Variants in HERC1 observed in about 807,000 individuals in gnomAD.
HERC1 encodes the protein HECT and RLD domain containing E3 ubiquitin protein ligase family member 1.
Under a neutral mutation model 554.3 loss-of-function variants are expected in HERC1, and 160 were observed. The observed-to-expected ratio is 0.29, with a 90% CI of 0.25 to 0.33. The LOEUF (loss-of-function observed/expected upper bound fraction) is 0.33. Among genes scored for constraint, HERC1 ranks in the 10% least tolerant of loss-of-function variants. The pLI is 1.00. For missense variants in HERC1, 4,919 were observed against 5,918.5 expected (o/e 0.83, Z 5.54); for synonymous variants, 2,175 against 2,131.7 (o/e 1.02, Z -0.56).
chr15:63,670,009 CAAGAT>C (rs1218608420), intron 39 of HERC1, among the ~76,000 whole-genome samples: 2 of 152,002 alleles, frequency 1.3e-5, no homozygotes, highest in African/African-American at 4.8e-5. Flanking sequence ...ACTATAATAC[CAAGAT>C]AAGAGGGGTA....
At chr15:63,664,910 T>C (rs1389733485) in intron 42 of HERC1, among the ~76,000 whole-genome samples, 3 of 152,184 alleles carry the variant, frequency 2.0e-5, no homozygotes, top group South Asian at 4.1e-4. Flanking sequence ...TTTGAAATGA[T>C]TGAGAATTCT....
At chr15:63,789,743 A>G (rs1442933570) in intron 1 of HERC1, among the ~76,000 whole-genome samples, 1 of 151,808 alleles carries the variant, frequency 6.6e-6, no homozygotes, top group African/African-American at 2.4e-5. Context: ...AGTTGCAGTG[A>G]GCCGAGATGA....
At position 63,718,901 on chromosome 15, in the gene HERC1, A is replaced by G; in HGVS notation, c.3743-4T>C. 1.3e-6 allele frequency: 2 copies of G among 1,577,770 alleles called. No homozygotes were observed. The highest frequency in any genetic ancestry group is 1.7e-6 in the Non-Finnish European group (2 of 1,155,446). On this transcript the variant is annotated splice_region_variant and splice_polypyrimidine_tract_variant and intron_variant, in intron 19 of 77. Transcript: ENST00000443617. The surrounding 1 kb of genome is among the most constrained non-coding windows in gnomAD (Gnocchi z 4.2). ...CTTAAAGTTGCACTGTCCCAATCTG[A>G]AAATAAAAATGATGCATTGACATTT... is the stretch of plus-strand genomic sequence containing the variant.
chr15:63,782,893 G>A (rs1318724265), intron 1 of HERC1, among the ~76,000 whole-genome samples: 1 of 152,226 alleles, frequency 6.6e-6, no homozygotes, highest in African/African-American at 2.4e-5. Context: ...AACTGCAGAC[G>A]TGGTGGAAAT....
In HERC1 at chr15:63,672,575, T is replaced by C. The variant is rs761738977; in HGVS notation, c.7966A>G (p.Thr2656Ala). The change falls in exon 39 of 78, where the codon ACT becomes GCT. Residue 2656 changes from threonine to alanine, a missense_variant. By Grantham distance (58) the Thr-to-Ala change is moderately conservative (BLOSUM62 0). Around this residue, in one of 11 missense-constraint regions of HERC1, gnomAD observed 1,963 missense variants for 2,228.6 expected, o/e 0.88. Coordinates refer to ENST00000443617, the MANE Select transcript of HERC1 (RefSeq NM_003922.4). ...FMSSSLEDTT[T>A]ATTPVTDTET... ...GTGTCAGTGACTGGAGTGGTGGCAG[T>C]TGTGGTGTCCTCCAGAGAGCTGCTC... is the stretch of plus-strand genomic sequence containing the variant. 2.5e-6 allele frequency: 4 copies of C among 1,611,134 alleles called. No homozygotes were observed. Among genetic ancestry groups the C allele is most frequent in the South Asian group, 2.2e-5 (2 of 90,340 alleles).
In HERC1 at chr15:63,703,104, T is replaced by C. The variant is rs1396173105; in HGVS notation, c.4636+3676A>G. ...CAGCCTGGGCTACAGAGCGAGACTC[T>C]GTCTCAAAAAAAAAAAAAAAAAAAG... On this transcript the variant is annotated intron_variant, in intron 25 of 77. Coordinates refer to ENST00000443617, the MANE Select transcript of HERC1 (RefSeq NM_003922.4). Among the ~76,000 whole-genome samples the C allele has an allele frequency of 2.2e-5, 3 of 133,930 alleles. No homozygotes were observed. The Admixed American group carries it at 2.3e-4, about 10-fold the overall frequency. 87.9% of individuals were successfully genotyped at this position (133,930 alleles called of 152,430 possible).
At chr15:63,827,163 G>A (rs892012720) in intron 1 of HERC1, among the ~76,000 whole-genome samples, 59 of 152,088 alleles carry the variant, frequency 3.9e-4, no homozygotes, top group African/African-American at 9.2e-4. Flanking sequence ...AGTGGCTCAC[G>A]CCTATAATCC....
chr15:63,744,459 G>C (rs1296175449), intron 12 of HERC1, among the ~76,000 whole-genome samples: 1 of 152,128 alleles, frequency 6.6e-6, no homozygotes, highest in African/African-American at 2.4e-5. Flanking sequence ...GCCTCAGGTG[G>C]GTCTAGAGGT....
chr15:63,675,956 T>C (rs2071181001), intron 37 of HERC1, among the ~76,000 whole-genome samples: 1 of 150,546 alleles, frequency 6.6e-6, no homozygotes, highest in South Asian at 2.1e-4. Flanking sequence ...CAGGCTGCAG[T>C]GCAGTGGTGC....
chr15:63,786,918 TTA>T lies in HERC1; in HGVS notation c.-26-11271_-26-11270del, dbSNP rs368509534. Among the ~76,000 whole-genome samples the T allele has an allele frequency of 1.2e-3, 128 of 109,322 alleles. 2 individuals carry two copies. Among genetic ancestry groups the T allele is most frequent in the African/African-American group, 2.8e-3 (79 of 28,152 alleles). The allele number at this position is 109,322 out of a possible 152,430, so 71.7% of individuals were successfully genotyped here. A position where few individuals can be genotyped will look rare whatever the true frequency, so the allele number is the denominator to read the frequency against. ...ATGTGAACTTCAACTCAATAAATTATTATTTTTTTTTTTTTTATTTTTTGAGA... is the reference window on the plus strand; with the variant it reads ...ATGTGAACTTCAACTCAATAAATTATTTTTTTTTTTTTTTATTTTTTGAGA... On this transcript the variant is annotated intron_variant, in intron 1 of 77. Transcript: ENST00000443617.
At chr15:63,648,243 G>T in intron 54 of HERC1, 44 bp from the exon 55 acceptor site, 2 of 1,542,194 alleles carry the variant, frequency 1.3e-6, no homozygotes, top group Non-Finnish European at 1.8e-6. Flanking sequence ...ATAATTATTT[G>T]TCATTGTCTG....
intron 25 of HERC1, among the ~76,000 whole-genome samples, chr15:63,702,519 T>C (rs967444554): frequency 2.0e-4 from 31 of 152,214 alleles, no homozygotes; most frequent in African/African-American, 7.2e-4. Context: ...AGCTTAAATA[T>C]GAAAACTAAA....
At chr15:63,623,971 A>G (rs1230465967) in intron 72 of HERC1, 81 bp from the exon 73 acceptor site, 2 of 1,479,550 alleles carry the variant, frequency 1.4e-6, no homozygotes, top group Non-Finnish European at 1.9e-6. Flanking sequence ...CCATCAGTGA[A>G]TGAAAAAGCT....
chr15:63,718,761 A>G lies in HERC1; in HGVS notation c.3857+22T>C. 1 of 1,606,282 alleles carries G rather than the reference A, an allele frequency of 6.2e-7. No individual in the cohort carries two copies. The highest frequency in any genetic ancestry group is 8.5e-7 in the Non-Finnish European group (1 of 1,174,270). ...CATCATGAGAGCAAATATTTGTCTG[A>G]GGATAGTTTTAAGTTACTTGCCGGC... is the stretch of plus-strand genomic sequence containing the variant. On this transcript the variant is annotated intron_variant, in intron 20 of 77. Transcript: ENST00000443617. The surrounding 1 kb of genome is among the most constrained non-coding windows in gnomAD (Gnocchi z 4.2).
At chr15:63,806,678 C>G (rs775104814) in intron 1 of HERC1, among the ~76,000 whole-genome samples, 8 of 152,180 alleles carry the variant, frequency 5.3e-5, no homozygotes, top group Non-Finnish European at 1.0e-4. Flanking sequence ...GGAGAAATAA[C>G]AAAATTAGTT....
Position 63,649,942 on chromosome 15 carries a change from G to A in HERC1, c.10547-17C>T. ...CTTTTCCTCCTAAAAGGGAAAAAATGTTAACTAGTTTTTACTTAATTCTTA... is the reference window on the plus strand; with the variant it reads ...CTTTTCCTCCTAAAAGGGAAAAAATATTAACTAGTTTTTACTTAATTCTTA... On this transcript the variant is annotated splice_polypyrimidine_tract_variant and intron_variant, in intron 53 of 77. Transcript: ENST00000443617. The A allele has an allele frequency of 6.5e-7, 1 of 1,541,806 alleles. No homozygotes were observed. The highest frequency in any genetic ancestry group is 8.8e-7 in the Non-Finnish European group (1 of 1,133,290).
intron 49 of HERC1, 54 bp downstream of exon 49, chr15:63,656,034 A>G: frequency 6.3e-7 from 1 of 1,599,474 alleles, no homozygotes; most frequent in Non-Finnish European, 8.6e-7. Context: ...AAAAGGCTCA[A>G]GAATCAGTCA....
rs775362644 is a variant in HERC1, at chr15:63,630,446, C to G, written c.12966+20G>C. On this transcript the variant is annotated intron_variant, in intron 69 of 77. Coordinates refer to ENST00000443617, the MANE Select transcript of HERC1 (RefSeq NM_003922.4). ...AGATTTCTAGAATATGAGAAAGCAG[C>G]AAGCAATATAAATATTTACCTGCCC... is the stretch of plus-strand genomic sequence containing the variant. 9.6e-5 allele frequency: 153 copies of G among 1,599,566 alleles called. No homozygotes were observed. The highest frequency in any genetic ancestry group is 1.2e-4 in the Admixed American group (7 of 57,504).
In HERC1 at chr15:63,746,931, T is replaced by C. The variant is rs761671199; in HGVS notation, c.2507A>G (p.Asp836Gly). The C allele has an allele frequency of 1.3e-6, 2 of 1,552,232 alleles. No individual in the cohort carries two copies. Among genetic ancestry groups the C allele is most frequent in the East Asian group, 2.4e-5 (1 of 40,932 alleles). ...LFRLMDSTVP[D>G]EIQEVVIETL... Reference sequence around the variant, plus strand: ...CTATTCTCTTACCTCTTGGATTTCATCTGGGACAGTTGAGTCCATCAGTCT... The same window carrying C: ...CTATTCTCTTACCTCTTGGATTTCACCTGGGACAGTTGAGTCCATCAGTCT... The change falls in exon 12 of 78, where the codon GAT becomes GGT. Residue 836 changes from aspartate to glycine, a missense_variant. Physicochemically the swap from Asp to Gly is moderately conservative, Grantham distance 94. Transcript: ENST00000443617.
Sources: allele counts gnomAD v4.1 joint callset (sites outside exome capture counted in the v4.1 genomes callset), GRCh38; gene constraint gnomAD v4.1.1; regional missense constraint gnomAD v4.1.1; non-coding constraint Gnocchi (gnomAD v3.1); transcripts MANE v1.5; gene names NCBI Gene and HGNC (gene_info 2026-07-23, HGNC 2026-07-21).